Variants in CCT6B observed in about 807,000 individuals in gnomAD.
The protein encoded by CCT6B is chaperonin containing TCP1 subunit 6B.
CCT6B carries 49 observed loss-of-function variants against 61.5 expected under a neutral mutation model. The observed-to-expected ratio is 0.80, with a 90% CI of 0.63 to 1.01. CCT6B has a LOEUF of 1.01. Ranked by LOEUF, CCT6B falls within the 50% of genes least tolerant of loss-of-function variation. CCT6B has a pLI of 0.00. For synonymous variants in CCT6B, 228 were observed against 214.5 expected (o/e 1.06, Z -0.55); for missense variants, 666 against 634.7 (o/e 1.05, Z -0.53).
At chr17:34,940,731 AG>A in intron 7 of CCT6B, 110 bp from the exon 8 acceptor site, 1 of 466,198 alleles carries the variant, frequency 2.1e-6, no homozygotes, top group Non-Finnish European at 3.8e-6. Context: ...GCACCCAAAA[AG>A]CTTTTGTTTA....
chr17:34,950,563 A>G (rs1195155279), intron 5 of CCT6B, among the ~76,000 whole-genome samples: 1 of 152,262 alleles, frequency 6.6e-6, no homozygotes, highest in Non-Finnish European at 1.5e-5. Flanking sequence ...ACAAATTTCT[A>G]AGAAAACATT....
chr17:34,949,778 A>G (rs2090271072), intron 5 of CCT6B: 1 of 152,232 alleles, frequency 6.6e-6, no homozygotes, highest in Admixed American at 6.5e-5. Context: ...AAAGTAAAAT[A>G]TAAACAGGTA....
chr17:34,940,463 C>T, intron 8 of CCT6B, 76 bp downstream of exon 8: 1 of 799,644 alleles, frequency 1.3e-6, no homozygotes, highest in South Asian at 1.8e-5. Flanking sequence ...TACACATAAG[C>T]TAAAAGGAAA....
Position 34,959,524 on chromosome 17 carries a change from A to G in CCT6B, c.201+63T>C, listed in dbSNP as rs528982098. 24 of 1,159,284 alleles carry G rather than the reference A, an allele frequency of 2.1e-5. No individual in the cohort carries two copies. The African/African-American group carries it at 2.6e-4, about 12-fold the overall frequency. 71.8% of individuals were successfully genotyped at this position (1,159,284 alleles called of 1,614,324 possible). A position where few individuals can be genotyped will look rare whatever the true frequency, so the allele number is the denominator to read the frequency against. On this transcript the variant is annotated intron_variant, in intron 2 of 13. Transcript: ENST00000314144. ...CACAGCCTTGGCTTAAAGATACACA[A>G]GTTCTACTATGCTTCTAATTAAGGC...
rs115540514 is a variant in CCT6B at position 34,958,637 on chromosome 17, C to T, written c.259G>A (p.Val87Ile). ...TTTGAAGTAGTACCATCTCCTGTGA[C>T]GTCATCCTGAGCTGTTGCTACTTTT... ...IAKVATAQDD[V>I]TGDGTTSNVL... Residue 87 changes from valine (V) to isoleucine (I), a missense_variant, in exon 3 of 14, where the codon GTC becomes ATC. Coordinates refer to ENST00000314144, the MANE Select transcript of CCT6B (RefSeq NM_006584.4). The T allele has an allele frequency of 2.6e-4, 420 of 1,604,794 alleles. No individual in the cohort carries two copies. Among genetic ancestry groups the T allele is most frequent in the Non-Finnish European group, 3.4e-4 (403 of 1,175,352 alleles).
At chr17:34,939,162 C>G in intron 10 of CCT6B, 21 bp downstream of exon 10, 9 of 1,605,228 alleles carry the variant, frequency 5.6e-6, no homozygotes, top group Non-Finnish European at 7.7e-6. Context: ...AGGTTCATAT[C>G]AATCACAAGA....
intron 10 of CCT6B, among the ~76,000 whole-genome samples, chr17:34,938,910 C>T (rs1286499569): frequency 1.3e-5 from 2 of 152,042 alleles, no homozygotes; most frequent in African/African-American, 2.4e-5. Flanking sequence ...TGGCGAAACC[C>T]CATCTCTACT....
At chr17:34,937,471 A>C (rs1053713543) in intron 10 of CCT6B, among the ~76,000 whole-genome samples, 3 of 152,178 alleles carry the variant, frequency 2.0e-5, no homozygotes, top group Non-Finnish European at 4.4e-5. Context: ...CGGTGGTGAA[A>C]GTAAAGTCTT....
At chr17:34,938,367 G>T (rs939705257) in intron 10 of CCT6B, among the ~76,000 whole-genome samples, 1 of 152,016 alleles carries the variant, frequency 6.6e-6, no homozygotes, top group Admixed American at 6.6e-5. Flanking sequence ...AGGAGTTCAA[G>T]ACCAGCCTGG....
At chr17:34,929,491 C>CTTTTTTTTTTTTTTTTTGTTTTTTTTT (rs2090010254) in intron 12 of CCT6B, among the ~76,000 whole-genome samples, 2 of 126,764 alleles carry the variant, frequency 1.6e-5, no homozygotes, top group African/African-American at 2.9e-5. Flanking sequence ...TGTTTTCTTT[C>CTTTTTTTTTTTTTTTTTGTTTTTTTTT]TTTTTTTTTT....
At chr17:34,958,763 T>C (rs2090377045) in intron 2 of CCT6B, 69 bp from the exon 3 acceptor site, 2 of 1,263,164 alleles carry the variant, frequency 1.6e-6, no homozygotes, top group Admixed American at 5.0e-5. Context: ...AAAAGCAAGA[T>C]AACCTAGGGG....
intron 5 of CCT6B, among the ~76,000 whole-genome samples, chr17:34,946,645 G>C (rs1341849108): frequency 2.0e-5 from 3 of 152,150 alleles, no homozygotes; most frequent in Non-Finnish European, 4.4e-5. Context: ...GGCAAAAAAT[G>C]CAAACTACCT....
Position 34,940,615 on chromosome 17 carries a change from C to G in CCT6B, c.892G>C (p.Asp298His). Reference protein sequence around the residue: ...GFVVINQKGIDPFSLDSLAKH... With the variant: ...GFVVINQKGIHPFSLDSLAKH... ...GCAAGAGAATCTAAGGAAAATGGAT[C>G]AATTCCCTATAATCAAATTAACATA... The change falls in exon 8 of 14, where the codon GAT becomes CAT. Residue 298 changes from aspartate to histidine, a missense_variant. Transcript: ENST00000314144. The G allele has an allele frequency of 6.7e-7, 1 of 1,494,982 alleles. No individual in the cohort carries two copies. Among genetic ancestry groups the G allele is most frequent in the Non-Finnish European group, 9.2e-7 (1 of 1,085,752 alleles). The allele number at this position is 1,494,982 out of a possible 1,614,324, so 92.6% of individuals were successfully genotyped here. A position where few individuals can be genotyped will look rare whatever the true frequency, so the allele number is the denominator to read the frequency against.
Position 34,958,500 on chromosome 17 carries a change from TA to T in CCT6B, c.336+59del, listed in dbSNP as rs1390654997. ...TTAACTGTCTAAAACTCAACCATTT[TA>T]CTAGTTAAAAAAATAATTTGCCATT... On this transcript the variant is annotated intron_variant, in intron 3 of 13. Coordinates refer to ENST00000314144, the MANE Select transcript of CCT6B (RefSeq NM_006584.4). 3.8e-6 allele frequency: 4 copies of T among 1,049,838 alleles called. No homozygotes were observed. In the African/African-American group the frequency reaches 4.9e-5, roughly 13 times the overall value. 65.0% of individuals were successfully genotyped at this position (1,049,838 alleles called of 1,614,324 possible). A position where few individuals can be genotyped will look rare whatever the true frequency, so the allele number is the denominator to read the frequency against.
rs2142133219 is a variant in CCT6B at position 34,930,987 on chromosome 17, A to G, written c.1412T>C (p.Val471Ala). 1 of 1,606,654 alleles carries G rather than the reference A, an allele frequency of 6.2e-7. No individual in the cohort carries two copies. The highest frequency in any genetic ancestry group is 1.3e-5 in the African/African-American group (1 of 74,906). ...ETLVKVQAEH[V>A]ESKQLVGVDL... ...TACGCCCACAAGTTGTTTTGACTCG[A>G]CATGCTCAGCCTGAACTTTTACTAA... is the stretch of plus-strand genomic sequence containing the variant. The change falls in exon 12 of 14, where the codon GTC (valine) becomes GCC (alanine). Residue 471 changes from valine (V) to alanine (A), a missense_variant. Coordinates refer to ENST00000314144, the MANE Select transcript of CCT6B (RefSeq NM_006584.4).
chr17:34,949,516 G>A (rs2090267591), intron 5 of CCT6B: 1 of 149,388 alleles, frequency 6.7e-6, no homozygotes, highest in Admixed American at 6.7e-5. Flanking sequence ...AAGGAGGGAG[G>A]GAGGGAGGGA....
At position 34,939,340 on chromosome 17, in the gene CCT6B, G is replaced by A. The variant is rs904746016; in HGVS notation, c.1066-10C>T. On this transcript the variant is annotated splice_polypyrimidine_tract_variant and intron_variant, in intron 9 of 13. Transcript: ENST00000314144. ...TGAACTTTTCTTCACCCTAAAGGGT[G>A]GCACAAAAATATATAACTTTAATAT... is the stretch of plus-strand genomic sequence containing the variant. 2 of 1,598,788 alleles carry A rather than the reference G, an allele frequency of 1.3e-6. No homozygotes were observed. Among genetic ancestry groups the A allele is most frequent in the African/African-American group, 1.3e-5 (1 of 74,342 alleles).
chr17:34,932,827 G>A (rs2090051752), intron 10 of CCT6B, among the ~76,000 whole-genome samples: 2 of 152,054 alleles, frequency 1.3e-5, no homozygotes, highest in African/African-American at 2.4e-5. Context: ...CATCACCCAG[G>A]CTGTACTGTA....
At chr17:34,945,450 CCTG>C (rs1172682061) in intron 5 of CCT6B, among the ~76,000 whole-genome samples, 1 of 152,172 alleles carries the variant, frequency 6.6e-6, no homozygotes, top group Non-Finnish European at 1.5e-5. Context: ...CTCCACTTTT[CCTG>C]CTGATCATGA....
Sources: gnomAD v4.1 joint callset for allele counts (sites outside exome capture counted in the v4.1 genomes callset) on GRCh38, gnomAD v4.1.1 for gene constraint, MANE v1.5 for transcripts, NCBI Gene and HGNC (gene_info 2026-07-23, HGNC 2026-07-21) for gene names.